The following DIAPH2 variants were observed in gnomAD, a reference collection of about 807,000 sequenced individuals.
The protein encoded by DIAPH2 is diaphanous related formin 2, also known as protein diaphanous homolog 2.
DIAPH2 carries 35 observed loss-of-function variants against 92.7 expected under a neutral mutation model. The observed-to-expected ratio is 0.38, with a 90% confidence interval of 0.29 to 0.50. The LOEUF is 0.50. DIAPH2 is among the 20% of genes least tolerant of loss of function. The pLI, the probability that DIAPH2 is intolerant of heterozygous loss-of-function variation, is 0.94. For missense variants in DIAPH2, 701 were observed against 819.5 expected (o/e 0.86, Z 1.77); for synonymous variants, 301 against 280.4 (o/e 1.07, Z -0.73).
Position 96,811,181 on chromosome X carries a change from T to C in DIAPH2, c.447+52923T>C, listed in dbSNP as rs753762525. 5.9e-4 allele frequency among the ~76,000 whole-genome samples: 66 copies of C among 112,015 alleles called. No individual in the cohort carries two copies. The Middle Eastern group carries it at 0.014, about 23-fold the overall frequency. On this transcript the variant is annotated intron_variant, in intron 4 of 26. Transcript: ENST00000324765. ...AATGTTCTTCCATTTCTTTGTGTCC[T>C]CTTTTATTTCATTGAGCGGTGGTTG...
At chrX:97,227,172 G>A (rs1455642804) in intron 22 of DIAPH2, among the ~76,000 whole-genome samples, 1 of 110,897 alleles carries the variant, frequency 9.0e-6, no homozygotes, top group Non-Finnish European at 1.9e-5. Context: ...CTACTCGGGA[G>A]GCTGAGGCAG....
At chrX:97,499,611 G>A (rs1407812420) in intron 26 of DIAPH2, among the ~76,000 whole-genome samples, 1 of 111,104 alleles carries the variant, frequency 9.0e-6, no homozygotes, top group Non-Finnish European at 1.9e-5. Context: ...CTACCCAAAG[G>A]GAAAGAAATC....
At chrX:97,274,131 T>C (rs1422048027) in intron 23 of DIAPH2, among the ~76,000 whole-genome samples, 1 of 84,526 alleles carries the variant, frequency 1.2e-5, no homozygotes, top group Non-Finnish European at 2.4e-5. Context: ...ATACTAAACA[T>C]ACATCTTTGA....
intron 17 of DIAPH2, among the ~76,000 whole-genome samples, chrX:97,043,553 A>C (rs1454772799): frequency 1.8e-5 from 2 of 110,922 alleles, no homozygotes; most frequent in Admixed American, 9.6e-5. Context: ...TTTGTGAGGG[A>C]TAATTTTAAT....
In DIAPH2 at chrX:97,361,521, C is replaced by A. The variant is rs371248301; in HGVS notation, c.3009+13241C>A. ...TAATGTATTAGGATGCCTTTAGCTG[C>A]CTAGTGACATAAAACATAACTAAAA... On this transcript the variant is annotated intron_variant, in intron 24 of 26. Coordinates refer to ENST00000324765, the MANE Select transcript of DIAPH2 (RefSeq NM_006729.5). Among the ~76,000 whole-genome samples, 5 of 112,063 alleles carry A rather than the reference C, an allele frequency of 4.5e-5. No homozygotes were observed. The East Asian group carries it at 1.4e-3, about 32-fold the overall frequency.
chrX:97,565,519 G>C (rs2071320690), intron 26 of DIAPH2, among the ~76,000 whole-genome samples: 1 of 112,161 alleles, frequency 8.9e-6, no homozygotes, highest in Admixed American at 9.4e-5. Context: ...TTTGAGTGTA[G>C]CTGGACTTTT....
chrX:96,735,139 C>T (rs1380801320), intron 1 of DIAPH2, among the ~76,000 whole-genome samples: 1 of 111,567 alleles, frequency 9.0e-6, no homozygotes, highest in Non-Finnish European at 1.9e-5. Flanking sequence ...TTAAATTCTT[C>T]AAATAATGTT....
chrX:97,299,585 G>A (rs902524759), intron 23 of DIAPH2, among the ~76,000 whole-genome samples: 1 of 112,230 alleles, frequency 8.9e-6, no homozygotes, highest in Non-Finnish European at 1.9e-5. Context: ...CCATTTGTTA[G>A]TGACCAAAGA....
intron 4 of DIAPH2, among the ~76,000 whole-genome samples, chrX:96,804,977 A>G (rs1253773503): frequency 9.0e-6 from 1 of 110,985 alleles, no homozygotes; most frequent in Non-Finnish European, 1.9e-5. Flanking sequence ...GAGGAGAGCC[A>G]CTGAAATTCT....
At chrX:97,333,855 G>A (rs183488982) in intron 23 of DIAPH2, among the ~76,000 whole-genome samples, 96 of 110,005 alleles carry the variant, frequency 8.7e-4, no homozygotes, top group African/African-American at 3.0e-3. Context: ...GTGAGCCACC[G>A]CCCCCGACCC....
intron 22 of DIAPH2, among the ~76,000 whole-genome samples, chrX:97,214,846 A>G (rs1177262842): frequency 8.2e-5 from 9 of 109,168 alleles, no homozygotes; most frequent in African/African-American, 2.7e-4. Context: ...TAAAAAAAAA[A>G]AAAAAAAAAA....
At chrX:96,810,631 C>G (rs1252223708) in intron 4 of DIAPH2, among the ~76,000 whole-genome samples, 4 of 111,525 alleles carry the variant, frequency 3.6e-5, no homozygotes, top group African/African-American at 1.3e-4. Flanking sequence ...AGGTTTTCTT[C>G]TAGGGTTTTT....
At chrX:97,432,149 A>G (rs746109450) in intron 26 of DIAPH2, among the ~76,000 whole-genome samples, 1 of 111,980 alleles carries the variant, frequency 8.9e-6, no homozygotes, top group South Asian at 3.8e-4. Context: ...AAACACTAAA[A>G]TCAGAGTCAA....
chrX:97,459,203 A>G (rs186962087), intron 26 of DIAPH2, among the ~76,000 whole-genome samples: 22 of 112,155 alleles, frequency 2.0e-4, no homozygotes, highest in Admixed American at 9.5e-4. Context: ...TTTACTCTCA[A>G]GCCAGCTGCC....
At chrX:97,527,440 C>T (rs2071031915) in intron 26 of DIAPH2, among the ~76,000 whole-genome samples, 1 of 111,816 alleles carries the variant, frequency 8.9e-6, no homozygotes, top group South Asian at 3.7e-4. Flanking sequence ...CAGGCAGTCC[C>T]TATCTTACAA....
At chrX:96,899,400 C>A (rs1321494858) in intron 5 of DIAPH2, among the ~76,000 whole-genome samples, 1 of 110,546 alleles carries the variant, frequency 9.0e-6, no homozygotes, top group African/African-American at 3.3e-5. Flanking sequence ...TCTTTTATTT[C>A]ATTGAGCAGT....
chrX:97,252,442 G>A (rs146640997), intron 23 of DIAPH2, among the ~76,000 whole-genome samples: 1,678 of 111,815 alleles, frequency 0.015, 29 homozygotes, highest in African/African-American at 0.05. Flanking sequence ...AAGTTACTGA[G>A]AAGGCACATT....
intron 25 of DIAPH2, among the ~76,000 whole-genome samples, chrX:97,411,099 A>G (rs2069867621): frequency 9.0e-6 from 1 of 111,137 alleles, no homozygotes; most frequent in Admixed American, 9.6e-5. Flanking sequence ...AGGACACATA[A>G]TTGTCAGATT....
chrX:97,160,607 C>T (rs1041488656), intron 22 of DIAPH2, among the ~76,000 whole-genome samples: 6 of 111,609 alleles, frequency 5.4e-5, no homozygotes, highest in Non-Finnish European at 1.1e-4. Context: ...CACCTACTGT[C>T]GTGGATTTCG....
Sources: gnomAD v4.1 joint callset for allele counts (sites outside exome capture counted in the v4.1 genomes callset) on GRCh38, gnomAD v4.1.1 for gene constraint, MANE v1.5 for transcripts, NCBI Gene and HGNC (gene_info 2026-07-23, HGNC 2026-07-21) for gene names.